The following POFUT3 variants were observed in gnomAD, a reference collection of about 807,000 sequenced individuals.
POFUT3 encodes GDP-fucose protein O-fucosyltransferase 3.
the POFUT3 span, among the ~76,000 whole-genome samples, chr8:33,410,433 C>T: frequency 6.6e-6 from 1 of 152,088 alleles, no homozygotes; most frequent in Non-Finnish European, 1.5e-5. Flanking sequence ...CGGGCAGCCC[C>T]GAGATAGGAG....
At chr8:33,389,910 T>A in the POFUT3 span, 1 of 756,632 alleles carries the variant, frequency 1.3e-6, no homozygotes, top group Non-Finnish European at 2.1e-6. Flanking sequence ...ATAAGAAGCA[T>A]GTGGCCGGGC....
the POFUT3 span, among the ~76,000 whole-genome samples, chr8:33,346,116 T>A: frequency 6.7e-6 from 1 of 148,216 alleles, no homozygotes; most frequent in African/African-American, 2.5e-5. Context: ...TGAGCCACCG[T>A]GCCTGGCCCT....
At chr8:33,404,372 CG>C in the POFUT3 span, among the ~76,000 whole-genome samples, 1 of 150,336 alleles carries the variant, frequency 6.7e-6, no homozygotes, top group East Asian at 1.9e-4. Context: ...AAAGAAAATT[CG>C]GGTTCTCAGA....
At chr8:33,347,194 G>A in the POFUT3 span, among the ~76,000 whole-genome samples, 2 of 152,028 alleles carry the variant, frequency 1.3e-5, no homozygotes, top group Admixed American at 6.6e-5. Flanking sequence ...CTTGATCCCC[G>A]CAATCAACAC....
chr8:33,389,721 G>T, the POFUT3 span: 1 of 1,614,130 alleles, frequency 6.2e-7, no homozygotes, highest in South Asian at 1.1e-5. Context: ...TTGTTTTTCG[G>T]GGACTCTTCA....
At chr8:33,466,307 T>A in the POFUT3 span, among the ~76,000 whole-genome samples, 1 of 152,040 alleles carries the variant, frequency 6.6e-6, no homozygotes, top group African/African-American at 2.4e-5. Flanking sequence ...TGCATGTCTG[T>A]GGTCCCAGCT....
At chr8:33,312,760 G>A in the POFUT3 span, among the ~76,000 whole-genome samples, 12 of 152,028 alleles carry the variant, frequency 7.9e-5, no homozygotes, top group South Asian at 2.1e-4. Flanking sequence ...TCCCCAGAAC[G>A]CTATTTCCAT....
chr8:33,408,154 TCTCTAC>T, the POFUT3 span, among the ~76,000 whole-genome samples: 1 of 73,908 alleles, frequency 1.4e-5, no homozygotes, highest in South Asian at 6.4e-4. Context: ...CAAGACTCTA[TCTCTAC>T]AAAAAAAATG....
At chr8:33,337,886 G>T in the POFUT3 span, among the ~76,000 whole-genome samples, 1 of 152,160 alleles carries the variant, frequency 6.6e-6, no homozygotes. Flanking sequence ...TGAAGGTTTG[G>T]TTTCTTCCAA....
chr8:33,444,540 G>C, the POFUT3 span, among the ~76,000 whole-genome samples: 9 of 151,978 alleles, frequency 5.9e-5, no homozygotes, highest in Admixed American at 1.3e-4. Flanking sequence ...TATCTGGGCC[G>C]GGCGCAGTGG....
chr8:33,339,819 A>C, the POFUT3 span, among the ~76,000 whole-genome samples: 1 of 152,182 alleles, frequency 6.6e-6, no homozygotes, highest in East Asian at 1.9e-4. Context: ...TCCTATATCC[A>C]ACAAAAATAT....
chr8:33,311,590 T>C, the POFUT3 span, among the ~76,000 whole-genome samples: 46 of 152,342 alleles, frequency 3.0e-4, no homozygotes, highest in Admixed American at 2.7e-3. Context: ...GAAATTAAAT[T>C]ATTTTTATGT....
chr8:33,436,831 G>A, the POFUT3 span: 1 of 428,880 alleles, frequency 2.3e-6, no homozygotes, highest in African/African-American at 2.0e-5. Context: ...TGTGCATGAT[G>A]CTGAAGTTTA....
the POFUT3 span, among the ~76,000 whole-genome samples, chr8:33,332,531 G>A: frequency 6.7e-6 from 1 of 149,358 alleles, no homozygotes; most frequent in Non-Finnish European, 1.5e-5. Context: ...GAAAGCGAGG[G>A]AGGGAGGGAG....
the POFUT3 span, among the ~76,000 whole-genome samples, chr8:33,461,203 GA>G: frequency 6.1e-5 from 1 of 16,328 alleles, no homozygotes; most frequent in Non-Finnish European, 1.3e-4. Context: ...GGGAGGGAGG[GA>G]GGGAGGGAGG....
chr8:33,385,259 T>G, the POFUT3 span, among the ~76,000 whole-genome samples: 2 of 152,194 alleles, frequency 1.3e-5, no homozygotes, highest in Non-Finnish European at 2.9e-5. Flanking sequence ...GAAGGGGCAT[T>G]CTTTTCCATT....
the POFUT3 span, among the ~76,000 whole-genome samples, chr8:33,348,852 TTCAGACAAGGGCTATA>T: frequency 1.3e-5 from 2 of 152,172 alleles, no homozygotes; most frequent in Admixed American, 6.5e-5. Context: ...AGCCTAGGAA[TTCAGACAAGGGCTATA>T]TCAGAAAGTA....
chr8:33,403,988 C>G, the POFUT3 span, among the ~76,000 whole-genome samples: 1 of 152,046 alleles, frequency 6.6e-6, no homozygotes, highest in African/African-American at 2.4e-5. Flanking sequence ...ATCTGCAGCT[C>G]AGCACAGCAG....
chr8:33,456,147 T>C, the POFUT3 span, among the ~76,000 whole-genome samples: 1 of 152,114 alleles, frequency 6.6e-6, no homozygotes, highest in Non-Finnish European at 1.5e-5. Flanking sequence ...CAAACTATCT[T>C]TTCATCTGAC....
Sources: gnomAD v4.1 joint callset for allele counts (sites outside exome capture counted in the v4.1 genomes callset) on GRCh38, gnomAD v4.1.1 for gene constraint, MANE v1.5 for transcripts, NCBI Gene and HGNC (gene_info 2026-07-23, HGNC 2026-07-21) for gene names.